The following CSGALNACT1 variants were observed in gnomAD, a reference collection of about 807,000 sequenced individuals.
CSGALNACT1 encodes chondroitin sulfate N-acetylgalactosaminyltransferase 1.
Under a neutral mutation model 51.0 loss-of-function variants are expected in CSGALNACT1, and 52 were observed. That is an observed-to-expected ratio of 1.02 (90% CI 0.82 to 1.29). CSGALNACT1 has a LOEUF of 1.29. CSGALNACT1 is among the 50% of genes most tolerant of loss of function. The pLI, the probability that CSGALNACT1 is intolerant of heterozygous loss-of-function variation, is 0.00. For synonymous variants in CSGALNACT1, 341 were observed against 254.4 expected, an observed-to-expected ratio of 1.34 and a Z score of -3.24; for missense variants, 935 against 679.2, an observed-to-expected ratio of 1.38 and a Z score of -4.19.
chr8:19,546,029 G>T (rs2154076645), intron 3 of CSGALNACT1, among the ~76,000 whole-genome samples: 1 of 152,004 alleles, frequency 6.6e-6, no homozygotes, highest in South Asian at 2.1e-4. Flanking sequence ...AGGTCATACA[G>T]TTGTCATACC....
At chr8:19,617,054 T>C (rs1452635961) in intron 1 of CSGALNACT1, among the ~76,000 whole-genome samples, 1 of 152,238 alleles carries the variant, frequency 6.6e-6, no homozygotes, top group African/African-American at 2.4e-5. Flanking sequence ...GAGCTTGTTT[T>C]CCTGTAACTA....
intron 1 of CSGALNACT1, among the ~76,000 whole-genome samples, chr8:19,644,741 A>T (rs912077096): frequency 6.7e-6 from 1 of 149,344 alleles, no homozygotes; most frequent in South Asian, 2.1e-4. Flanking sequence ...AAAAAAGAGG[A>T]AACATAGCTA....
intron 3 of CSGALNACT1, among the ~76,000 whole-genome samples, chr8:19,517,029 A>C (rs4529482): frequency 0.22 from 33,525 of 152,160 alleles, 3,925 homozygotes; most frequent in East Asian, 0.28. Flanking sequence ...CTCAAACCTG[A>C]TATGTGGGTG....
chr8:19,484,502 G>A (rs1397984968), intron 4 of CSGALNACT1, among the ~76,000 whole-genome samples: 1 of 152,114 alleles, frequency 6.6e-6, no homozygotes, highest in Admixed American at 6.6e-5. Context: ...TCACAATCAC[G>A]GCAGAAGGCA....
chr8:19,505,519 G>A (rs1299936833), exon 4 of CSGALNACT1: 2 of 1,614,036 alleles, frequency 1.2e-6, no homozygotes, highest in Non-Finnish European at 1.7e-6. Flanking sequence ...TCCAGACCCA[G>A]GCCAGCAGCA....
upstream of CSGALNACT1, among the ~76,000 whole-genome samples, chr8:19,683,449 G>A (rs756523856): frequency 6.6e-5 from 10 of 152,216 alleles, no homozygotes; most frequent in Non-Finnish European, 1.2e-4. Flanking sequence ...TAAGAGTTTG[G>A]TAAGGTGTCA....
At chr8:19,585,576 G>C (rs754385616) in intron 3 of CSGALNACT1, among the ~76,000 whole-genome samples, 1 of 152,140 alleles carries the variant, frequency 6.6e-6, no homozygotes, top group African/African-American at 2.4e-5. Flanking sequence ...CTGTGGCTGT[G>C]ATACACCCCT....
rs150236825 is a variant in CSGALNACT1, at chr8:19,511,357, A to T, written c.-296-5227T>A. On this transcript the variant is annotated intron_variant, in intron 3 of 9. Transcript: ENST00000454498. ...CTATTCCACTTGGGCACATACAATC[A>T]GCTCTTTGACAGCAAGGGCACAAAC... Among the ~76,000 whole-genome samples, 578 of 152,362 alleles carry T rather than the reference A, an allele frequency of 3.8e-3. 1 individual carries two copies. Among genetic ancestry groups the T allele is most frequent in the Non-Finnish European group, 6.6e-3 (452 of 68,032 alleles).
intron 4 of CSGALNACT1, among the ~76,000 whole-genome samples, chr8:19,478,137 G>A (rs558726064): frequency 9.8e-4 from 148 of 151,580 alleles, no homozygotes; most frequent in Middle Eastern, 6.8e-3. Flanking sequence ...TGTCTGGGCC[G>A]GGTGCGGTGG....
In CSGALNACT1 at chr8:19,660,957, G is replaced by A. The variant is rs1157082718; in HGVS notation, c.-544+21516C>T. Among the ~76,000 whole-genome samples the A allele has an allele frequency of 3.9e-5, 6 of 152,298 alleles. No individual in the cohort carries two copies. The Middle Eastern group carries it at 0.014, about 345-fold the overall frequency. On this transcript the variant is annotated intron_variant, in intron 1 of 9. Coordinates refer to the CSGALNACT1 transcript ENST00000332246. ...AGGCAGAGTCTTGCTCTGTCGCCCA[G>A]GCTGGAGTGCAGTGGTGCCATCTCA...
intron 4 of CSGALNACT1, among the ~76,000 whole-genome samples, chr8:19,464,725 G>T (rs762380910): frequency 2.8e-4 from 43 of 152,126 alleles, no homozygotes; most frequent in Admixed American, 1.4e-3. Context: ...TATGAGAATT[G>T]AAATAATGCC....
chr8:19,462,964 C>T (rs896856205), intron 4 of CSGALNACT1, among the ~76,000 whole-genome samples: 7 of 152,180 alleles, frequency 4.6e-5, no homozygotes, highest in African/African-American at 1.4e-4. Flanking sequence ...TTCCAATCCT[C>T]ACCCTCCTCC....
At chr8:19,625,388 C>T (rs1219699009) in intron 1 of CSGALNACT1, among the ~76,000 whole-genome samples, 1 of 152,200 alleles carries the variant, frequency 6.6e-6, no homozygotes, top group East Asian at 1.9e-4. Flanking sequence ...TCATTTTATA[C>T]ATGAAGAAAC....
Position 19,710,270 on chromosome 8 carries a change from G to A in CSGALNACT1, c.-297+47580C>T, listed in dbSNP as rs192691358. ...TGACTATATATGGGGAGTGAATAGGGTCTATAATCCATTTGTCAAGAACTA... is the reference window on the plus strand; with the variant it reads ...TGACTATATATGGGGAGTGAATAGGATCTATAATCCATTTGTCAAGAACTA... On this transcript the variant is annotated intron_variant, in intron 1 of 1. Coordinates refer to the CSGALNACT1 transcript ENST00000517494. Among the ~76,000 whole-genome samples, 651 of 152,262 alleles carry A rather than the reference G, an allele frequency of 4.3e-3. 4 individuals are homozygous for A. The highest frequency in any genetic ancestry group is 0.015 in the African/African-American group (633 of 41,552).
At chr8:19,456,277 G>A (rs1252511240) in intron 5 of CSGALNACT1, among the ~76,000 whole-genome samples, 1 of 152,178 alleles carries the variant, frequency 6.6e-6, no homozygotes, top group African/African-American at 2.4e-5. Flanking sequence ...GTGAGGACTT[G>A]TCCTTTCACC....
chr8:19,599,511 A>AGAAAGAAAGAAAGAAG (rs1564211500), intron 2 of CSGALNACT1, among the ~76,000 whole-genome samples: 12 of 150,896 alleles, frequency 8.0e-5, no homozygotes, highest in Non-Finnish European at 1.3e-4. Context: ...AAAGAAAGAA[A>AGAAAGAAAGAAAGAAG]GAAAGAAAGA....
At chr8:19,544,109 TG>T (rs1399838985) in intron 3 of CSGALNACT1, among the ~76,000 whole-genome samples, 45 of 152,162 alleles carry the variant, frequency 3.0e-4, no homozygotes, top group African/African-American at 9.2e-4. Context: ...GTTTTGCTGC[TG>T]TTTAGTTTAT....
chr8:19,605,227 A>G (rs918300819), upstream of CSGALNACT1, among the ~76,000 whole-genome samples: 3 of 152,168 alleles, frequency 2.0e-5, no homozygotes, highest in Non-Finnish European at 2.9e-5. Context: ...CCCTCTGTCT[A>G]AATTCTTATG....
intron 1 of CSGALNACT1, among the ~76,000 whole-genome samples, chr8:19,727,793 A>C (rs1252204072): frequency 6.6e-6 from 1 of 152,154 alleles, no homozygotes; most frequent in East Asian, 1.9e-4. Flanking sequence ...CCTGGGACCA[A>C]GGTGGGCCTC....
Sources: gnomAD v4.1 joint callset for allele counts (sites outside exome capture counted in the v4.1 genomes callset) on GRCh38, gnomAD v4.1.1 for gene constraint, MANE v1.5 for transcripts, NCBI Gene and HGNC (gene_info 2026-07-23, HGNC 2026-07-21) for gene names.